BCKDHB: variants seen among roughly 807,000 people sequenced by gnomAD.
BCKDHB encodes the protein branched chain keto acid dehydrogenase E1 subunit beta.
Under a neutral mutation model 48.5 loss-of-function variants are expected in BCKDHB, and 41 were observed. The ratio of observed to expected loss-of-function variants is 0.85; its 90% CI spans 0.66 to 1.10. The LOEUF is 1.10. Among genes scored for constraint, BCKDHB ranks in the 50% least tolerant of loss-of-function variants. The pLI, the probability that BCKDHB is intolerant of heterozygous loss-of-function variation, is 0.00. For missense variants in BCKDHB, 496 were observed against 494.2 expected, an observed-to-expected ratio of 1.00 and a Z score of -0.03; for synonymous variants, 201 against 174.8, an observed-to-expected ratio of 1.15 and a Z score of -1.18.
At chr6:80,312,196 G>A (rs1457330016) in intron 9 of BCKDHB, among the ~76,000 whole-genome samples, 5 of 152,092 alleles carry the variant, frequency 3.3e-5, no homozygotes, top group African/African-American at 1.2e-4. Context: ...ATTGTGAATG[G>A]GAGTTCACAT....
chr6:80,353,144 T>C, the BCKDHB span, among the ~76,000 whole-genome samples: 1 of 152,164 alleles, frequency 6.6e-6, no homozygotes, highest in Non-Finnish European at 1.5e-5. Flanking sequence ...TACTTATGAG[T>C]GAGAGCATGT....
chr6:80,377,427 G>C, the BCKDHB span, among the ~76,000 whole-genome samples: 1 of 152,090 alleles, frequency 6.6e-6, no homozygotes, highest in African/African-American at 2.4e-5. Flanking sequence ...CCAAAGCCGA[G>C]TTCATGCAAA....
At chr6:80,430,888 G>A in the BCKDHB span, among the ~76,000 whole-genome samples, 1 of 151,830 alleles carries the variant, frequency 6.6e-6, no homozygotes, top group Admixed American at 6.6e-5. Flanking sequence ...CTCTTGCTCT[G>A]CTAGTTCTTT....
intron 8 of BCKDHB, among the ~76,000 whole-genome samples, chr6:80,228,025 G>A (rs1270511952): frequency 6.6e-6 from 1 of 152,152 alleles, no homozygotes; most frequent in Admixed American, 6.5e-5. Context: ...TACAGCAACA[G>A]TCTTCCAAAT....
At chr6:80,395,461 C>G in the BCKDHB span, among the ~76,000 whole-genome samples, 1 of 152,152 alleles carries the variant, frequency 6.6e-6, no homozygotes, top group South Asian at 2.1e-4. Context: ...TGCAAAAAGA[C>G]TGGCATTTTG....
the BCKDHB span, among the ~76,000 whole-genome samples, chr6:80,369,530 GT>G: frequency 2.0e-5 from 3 of 152,166 alleles, no homozygotes; most frequent in African/African-American, 7.2e-5. Context: ...GTTAGTTCCT[GT>G]TTTTATGAGA....
chr6:80,191,096 A>G (rs1467521753), intron 6 of BCKDHB, among the ~76,000 whole-genome samples: 1 of 152,138 alleles, frequency 6.6e-6, no homozygotes, highest in African/African-American at 2.4e-5. Context: ...TTGTTTAACC[A>G]TTTGTTACTC....
At chr6:80,202,003 G>A (rs996374554) in intron 7 of BCKDHB, among the ~76,000 whole-genome samples, 1 of 152,036 alleles carries the variant, frequency 6.6e-6, no homozygotes, top group Non-Finnish European at 1.5e-5. Flanking sequence ...GCTGCTTGGC[G>A]AGTTGTATCC....
intron 9 of BCKDHB, among the ~76,000 whole-genome samples, chr6:80,305,943 A>C (rs1204832696): frequency 6.6e-6 from 1 of 152,210 alleles, no homozygotes; most frequent in Non-Finnish European, 1.5e-5. Flanking sequence ...AGCCTGCCTG[A>C]ATTCAAATCT....
intron 8 of BCKDHB, among the ~76,000 whole-genome samples, chr6:80,240,595 A>G (rs1476693415): frequency 6.6e-6 from 1 of 152,196 alleles, no homozygotes; most frequent in Non-Finnish European, 1.5e-5. Flanking sequence ...TAAATATACA[A>G]TCATGTCATC....
At chr6:80,374,255 C>G in the BCKDHB span, 1 of 781,436 alleles carries the variant, frequency 1.3e-6, no homozygotes, top group Non-Finnish European at 2.3e-6. Flanking sequence ...CATCTAAACC[C>G]TTAAGTTCAC....
intron 9 of BCKDHB, among the ~76,000 whole-genome samples, chr6:80,295,739 C>G (rs1361866856): frequency 6.6e-6 from 1 of 152,026 alleles, no homozygotes; most frequent in Non-Finnish European, 1.5e-5. Context: ...CAAATACGCT[C>G]CAAATTTTGT....
At chr6:80,129,073 A>G in intron 2 of BCKDHB, 88 bp from the exon 3 acceptor site, 1 of 1,029,818 alleles carries the variant, frequency 9.7e-7, no homozygotes, top group Non-Finnish European at 1.5e-6. Flanking sequence ...GTGATTTAAA[A>G]TGTAAACATT....
In BCKDHB at chr6:80,187,687, G is replaced by A. The variant is rs146358429; in HGVS notation, c.743-13247G>A. Among the ~76,000 whole-genome samples, 263 of 152,184 alleles carry A rather than the reference G, an allele frequency of 1.7e-3. 1 individual carries two copies. Among genetic ancestry groups the A allele is most frequent in the African/African-American group, 6.0e-3 (249 of 41,534 alleles). ...AAAGGACATGAACAGACACTTTTCAGAAGAAAGACAATCATGTAGCCAACA... is the reference window on the plus strand; with the variant it reads ...AAAGGACATGAACAGACACTTTTCAAAAGAAAGACAATCATGTAGCCAACA... On this transcript the variant is annotated intron_variant, in intron 6 of 9. Coordinates refer to ENST00000320393, the MANE Select transcript of BCKDHB (RefSeq NM_183050.4).
At chr6:80,419,890 A>G in the BCKDHB span, among the ~76,000 whole-genome samples, 6 of 152,042 alleles carry the variant, frequency 3.9e-5, no homozygotes, top group Non-Finnish European at 5.9e-5. Context: ...ATCTTTGAAT[A>G]TGCTAATTCT....
At chr6:80,284,778 G>A (rs1274776692) in intron 9 of BCKDHB, among the ~76,000 whole-genome samples, 1 of 152,054 alleles carries the variant, frequency 6.6e-6, no homozygotes. Context: ...CTTAAAACAA[G>A]TCCTCATTGT....
the BCKDHB span, among the ~76,000 whole-genome samples, chr6:80,425,756 G>C: frequency 6.6e-6 from 1 of 152,172 alleles, no homozygotes; most frequent in South Asian, 2.1e-4. Context: ...ATCATGCTGT[G>C]TTTTGTATTT....
chr6:80,376,410 G>T, the BCKDHB span, among the ~76,000 whole-genome samples: 1 of 152,126 alleles, frequency 6.6e-6, no homozygotes, highest in Non-Finnish European at 1.5e-5. Flanking sequence ...AGTAAGCAGG[G>T]CTGAGAACTT....
intron 6 of BCKDHB, among the ~76,000 whole-genome samples, chr6:80,175,837 A>G (rs529243423): frequency 6.6e-6 from 1 of 152,360 alleles, no homozygotes; most frequent in South Asian, 2.1e-4. Context: ...TGCAGCTGTA[A>G]AAACTAGTTA....
Sources: allele counts gnomAD v4.1 joint callset (sites outside exome capture counted in the v4.1 genomes callset), GRCh38; gene constraint gnomAD v4.1.1; transcripts MANE v1.5; gene names NCBI Gene and HGNC (gene_info 2026-07-23, HGNC 2026-07-21).